The following CTNNA3 variants were observed in gnomAD, a reference collection of about 807,000 sequenced individuals.
The protein encoded by CTNNA3 is catenin alpha 3.
Under a neutral mutation model 95.7 loss-of-function variants are expected in CTNNA3, and 76 were observed. The ratio of observed to expected loss-of-function variants is 0.79; its 90% CI spans 0.66 to 0.96. The LOEUF (loss-of-function observed/expected upper bound fraction) is 0.96, where lower values mean the gene tolerates loss of function less well. CTNNA3 is among the 40% of genes least tolerant of loss of function. CTNNA3 has a pLI of 0.00. For missense variants in CTNNA3, 1,191 were observed against 1,089.8 expected (o/e 1.09, Z -1.31); for synonymous variants, 431 against 374.4 (o/e 1.15, Z -1.74).
At chr10:66,225,552 A>G (rs1274792064) in intron 13 of CTNNA3, among the ~76,000 whole-genome samples, 3 of 151,370 alleles carry the variant, frequency 2.0e-5, no homozygotes, top group Admixed American at 6.6e-5. Context: ...GGATACATAT[A>G]TCTTTCTGAT....
At chr10:66,416,922 T>G (rs992081578) in intron 11 of CTNNA3, among the ~76,000 whole-genome samples, 2 of 151,800 alleles carry the variant, frequency 1.3e-5, no homozygotes, top group African/African-American at 4.8e-5. Context: ...TCAAATACTA[T>G]CCCTACAGAT....
At chr10:66,781,741 T>C (rs1469468132) in intron 7 of CTNNA3, among the ~76,000 whole-genome samples, 1 of 152,224 alleles carries the variant, frequency 6.6e-6, no homozygotes, top group Non-Finnish European at 1.5e-5. Context: ...AGATGCCTGC[T>C]GGGGTATGTC....
chr10:66,199,838 G>T (rs12773516), intron 13 of CTNNA3, among the ~76,000 whole-genome samples: 3 of 82,582 alleles, frequency 3.6e-5, no homozygotes, highest in Non-Finnish European at 2.2e-5. Flanking sequence ...TTTTTTAGTA[G>T]AGATGGGGTT....
intron 9 of CTNNA3, among the ~76,000 whole-genome samples, chr10:66,688,842 C>T (rs887147471): frequency 4.6e-5 from 7 of 151,156 alleles, no homozygotes; most frequent in Non-Finnish European, 8.8e-5. Context: ...GGCGTGGTGG[C>T]GGGCGCCTGT....
chr10:66,760,967 G>GTTCTTT (rs1376452576), intron 9 of CTNNA3, among the ~76,000 whole-genome samples: 2 of 152,114 alleles, frequency 1.3e-5, no homozygotes, highest in African/African-American at 4.8e-5. Flanking sequence ...GTATGGGTTT[G>GTTCTTT]TTCTTTTTCT....
chr10:66,675,366 G>A (rs771006275), intron 9 of CTNNA3, among the ~76,000 whole-genome samples: 101 of 151,726 alleles, frequency 6.7e-4, no homozygotes, highest in South Asian at 1.0e-3. Context: ...ATGGGGTTAA[G>A]ATATGAAGGG....
At chr10:66,041,358 A>G (rs188670359) in intron 15 of CTNNA3, among the ~76,000 whole-genome samples, 5 of 152,316 alleles carry the variant, frequency 3.3e-5, no homozygotes, top group African/African-American at 9.6e-5. Flanking sequence ...TGAAGTTCCA[A>G]TTAGGCCTGT....
intron 11 of CTNNA3, among the ~76,000 whole-genome samples, chr10:66,439,854 G>C (rs2093363788): frequency 6.6e-6 from 1 of 152,062 alleles, no homozygotes; most frequent in Non-Finnish European, 1.5e-5. Flanking sequence ...CAAATCACAG[G>C]TTTTTAGAAG....
At chr10:67,472,451 A>C (rs1280919790) in intron 5 of CTNNA3, among the ~76,000 whole-genome samples, 1 of 152,188 alleles carries the variant, frequency 6.6e-6, no homozygotes, top group East Asian at 1.9e-4. Flanking sequence ...AGCCATCTCC[A>C]GTTACCTTCA....
rs181882267 is a variant in CTNNA3, at chr10:66,039,388, T to C, written c.2159+29920A>G. Among the ~76,000 whole-genome samples, 409 of 152,278 alleles carry C rather than the reference T, an allele frequency of 2.7e-3. 2 individuals carry two copies. The highest frequency in any genetic ancestry group is 9.5e-3 in the African/African-American group (393 of 41,558). ...TCTTCACAGATGAGAAAAAACTATTTTGAAATTCATATGAAACCAAAGAAT... is the reference window on the plus strand; with the variant it reads ...TCTTCACAGATGAGAAAAAACTATTCTGAAATTCATATGAAACCAAAGAAT... On this transcript the variant is annotated intron_variant, in intron 15 of 17. Coordinates refer to ENST00000433211, the MANE Select transcript of CTNNA3 (RefSeq NM_013266.4).
intron 11 of CTNNA3, among the ~76,000 whole-genome samples, chr10:66,415,628 G>C (rs2132611741): frequency 6.6e-6 from 1 of 152,160 alleles, no homozygotes; most frequent in East Asian, 1.9e-4. Context: ...GCAACCACAG[G>C]AGCTCAAAGA....
chr10:67,292,567 T>A (rs928945885), intron 5 of CTNNA3, among the ~76,000 whole-genome samples: 2 of 152,120 alleles, frequency 1.3e-5, no homozygotes, highest in East Asian at 3.9e-4. Flanking sequence ...TTAGTCCCCC[T>A]CCCATTTTTA....
chr10:66,830,698 C>T (rs1351909803), intron 7 of CTNNA3, among the ~76,000 whole-genome samples: 2 of 152,084 alleles, frequency 1.3e-5, no homozygotes, highest in Non-Finnish European at 2.9e-5. Flanking sequence ...CAAGCTCCGC[C>T]TCCTGGGTTC....
rs961194111 is a variant in CTNNA3, at chr10:66,499,502, AT to A, written c.1531+21114del. Among the ~76,000 whole-genome samples the A allele has an allele frequency of 2.9e-4, 44 of 151,334 alleles. No individual in the cohort carries two copies. In the East Asian group the frequency reaches 4.7e-3, roughly 16 times the overall value. ...AGAAATTAATTTGAGAGGAAAAACA[AT>A]TTTTTTTTGACACAGGGTCTCCCTA... On this transcript the variant is annotated intron_variant, in intron 11 of 17. Coordinates refer to ENST00000433211, the MANE Select transcript of CTNNA3 (RefSeq NM_013266.4).
chr10:65,938,247 C>G (rs1387013824), intron 17 of CTNNA3, among the ~76,000 whole-genome samples: 1 of 152,146 alleles, frequency 6.6e-6, no homozygotes, highest in East Asian at 1.9e-4. Context: ...TGCTTTGTTT[C>G]ACTTTCCTGA....
At chr10:66,060,847 T>C (rs2080180985) in intron 15 of CTNNA3, among the ~76,000 whole-genome samples, 1 of 152,100 alleles carries the variant, frequency 6.6e-6, no homozygotes, top group South Asian at 2.1e-4. Flanking sequence ...TAAATGAATG[T>C]GTGAATACTC....
intron 5 of CTNNA3, among the ~76,000 whole-genome samples, chr10:67,329,411 A>G (rs1466711687): frequency 6.6e-6 from 1 of 152,186 alleles, no homozygotes; most frequent in African/African-American, 2.4e-5. Context: ...AATAAATAGT[A>G]ACATACTTAA....
Position 65,920,423 on chromosome 10 carries a change from C to T in CTNNA3, c.2595G>A (p.Glu865=). ...KKPLIKREKP[E]ETCAAVRRGS... ...CTCGTCTGACAGCTGCACACGTTTC[C>T]TCTGGCTTCTCTCTTTTAATCAAGG... is the stretch of plus-strand genomic sequence containing the variant. The change falls in exon 18 of 18, where the codon GAG becomes GAA. Residue 865 remains glutamate, a synonymous_variant. Coordinates refer to ENST00000433211, the MANE Select transcript of CTNNA3 (RefSeq NM_013266.4). 1.2e-6 allele frequency: 2 copies of T among 1,614,142 alleles called. No homozygotes were observed. The highest frequency in any genetic ancestry group is 1.7e-6 in the Non-Finnish European group (2 of 1,180,022).
At chr10:66,422,919 C>T (rs1358831061) in intron 11 of CTNNA3, among the ~76,000 whole-genome samples, 1 of 151,882 alleles carries the variant, frequency 6.6e-6, no homozygotes. Context: ...CGTGAGCCAC[C>T]ACTCCCAGCC....
Sources: allele counts gnomAD v4.1 joint callset (sites outside exome capture counted in the v4.1 genomes callset), GRCh38; gene constraint gnomAD v4.1.1; transcripts MANE v1.5; gene names NCBI Gene and HGNC (gene_info 2026-07-23, HGNC 2026-07-21).